CNTNAP2: variants seen among roughly 807,000 people sequenced by gnomAD.
The protein encoded by CNTNAP2 is contactin associated protein 2.
In CNTNAP2, 98 loss-of-function variants were observed where a neutral mutation model predicts 155.2. That is an observed-to-expected ratio of 0.63 (90% CI 0.54 to 0.75). The LOEUF is 0.75. CNTNAP2 is among the 30% of genes least tolerant of loss of function. The pLI is 0.00. For synonymous variants in CNTNAP2, 651 were observed against 631.2 expected (o/e 1.03, Z -0.47); for missense variants, 1,727 against 1,688.1 (o/e 1.02, Z -0.40).
At chr7:147,554,537 T>C (rs11766100) in intron 11 of CNTNAP2, among the ~76,000 whole-genome samples, 1,778 of 145,580 alleles carry the variant, frequency 0.012, 15 homozygotes, top group Non-Finnish European at 0.019. Flanking sequence ...GAAGGACTTA[T>C]CAAGTAAAAG....
Position 146,756,562 on chromosome 7 carries a change from C to T in CNTNAP2, c.98-17709C>T, listed in dbSNP as rs115017547. ...ATTATCTGCGCCAGTCACACACTTC[C>T]CAAATTCAATATATACACACGGGCT... On this transcript the variant is annotated intron_variant, in intron 1 of 23. Coordinates refer to ENST00000361727, the MANE Select transcript of CNTNAP2 (RefSeq NM_014141.6). Among the ~76,000 whole-genome samples, 505 of 152,002 alleles carry T rather than the reference C, an allele frequency of 3.3e-3. 5 individuals are homozygous for T. Among genetic ancestry groups the T allele is most frequent in the African/African-American group, 0.012 (489 of 41,514 alleles).
At chr7:147,932,252 T>G (rs916512468) in intron 14 of CNTNAP2, among the ~76,000 whole-genome samples, 7 of 152,118 alleles carry the variant, frequency 4.6e-5, no homozygotes, top group African/African-American at 1.4e-4. Context: ...GGATCCCAAA[T>G]AGCTAAAACA....
rs184648451 is a variant in CNTNAP2 at position 146,279,194 on chromosome 7, C to T, written c.97+162221C>T. ...TGTCATAAACCACCTCTGTACCTAA[C>T]CTAAATAATGAATGTTGTTGTCTTT... On this transcript the variant is annotated intron_variant, in intron 1 of 23. Coordinates refer to ENST00000361727, the MANE Select transcript of CNTNAP2 (RefSeq NM_014141.6). 9.4e-3 allele frequency among the ~76,000 whole-genome samples: 1,435 copies of T among 152,128 alleles called. 17 individuals are homozygous for T. The highest frequency in any genetic ancestry group is 0.015 in the Non-Finnish European group (1,031 of 67,968).
chr7:146,711,663 C>T (rs1048101838), intron 1 of CNTNAP2, among the ~76,000 whole-genome samples: 2 of 148,196 alleles, frequency 1.3e-5, no homozygotes, highest in African/African-American at 4.9e-5. Context: ...CACACTGAAG[C>T]TATTTCGTAT....
intron 13 of CNTNAP2, among the ~76,000 whole-genome samples, chr7:147,896,165 C>G (rs527862310): frequency 7.0e-4 from 107 of 152,296 alleles, no homozygotes; most frequent in African/African-American, 2.5e-3. Flanking sequence ...CTCCTTGCAC[C>G]TGTACTCCTT....
rs1798379995 is a variant in CNTNAP2, at chr7:148,349,399, AAAT to A, written c.3476-34249_3476-34247del. On this transcript the variant is annotated intron_variant, in intron 21 of 23. Transcript: ENST00000361727. Reference sequence around the variant, plus strand: ...TAATGAGCTTTAAAAATTGCAAAAAAAATCTCTCTTTTTTTTTTTTGAGACAGA... The same window carrying A: ...TAATGAGCTTTAAAAATTGCAAAAAACTCTCTTTTTTTTTTTTGAGACAGA... Among the ~76,000 whole-genome samples, 2 of 1,100 alleles carry A rather than the reference AAAT, an allele frequency of 1.8e-3. 1 individual carries two copies. The highest frequency in any genetic ancestry group is 4.1e-3 in the African/African-American group (2 of 484). 0.7% of individuals were successfully genotyped at this position (1,100 alleles called of 152,430 possible). A position where few individuals can be genotyped will look rare whatever the true frequency, so the allele number is the denominator to read the frequency against.
chr7:147,419,013 C>G (rs1279168363), intron 10 of CNTNAP2, among the ~76,000 whole-genome samples: 1 of 152,082 alleles, frequency 6.6e-6, no homozygotes, highest in African/African-American at 2.4e-5. Context: ...TACTGTGGTT[C>G]AAAGCATGCT....
intron 13 of CNTNAP2, among the ~76,000 whole-genome samples, chr7:147,829,599 G>A (rs1301796061): frequency 2.6e-5 from 4 of 152,104 alleles, no homozygotes; most frequent in African/African-American, 7.2e-5. Context: ...TAAGTAAATT[G>A]ATCAAGGTCA....
chr7:147,205,960 T>A (rs1803016286), intron 8 of CNTNAP2, among the ~76,000 whole-genome samples: 1 of 152,144 alleles, frequency 6.6e-6, no homozygotes, highest in Non-Finnish European at 1.5e-5. Flanking sequence ...TTACCCTGAT[T>A]TAATCATTAC....
intron 15 of CNTNAP2, among the ~76,000 whole-genome samples, chr7:147,980,346 A>G (rs893165682): frequency 6.6e-6 from 1 of 152,218 alleles, no homozygotes; most frequent in Non-Finnish European, 1.5e-5. Flanking sequence ...TCTTAGAAAC[A>G]TTTTTAGAAC....
intron 20 of CNTNAP2, among the ~76,000 whole-genome samples, chr7:148,247,362 C>T (rs971711220): frequency 1.3e-5 from 2 of 151,932 alleles, no homozygotes; most frequent in Non-Finnish European, 2.9e-5. Context: ...TAAAATCAGC[C>T]CTCGACCCTT....
At chr7:147,969,794 C>A (rs79535254) in intron 14 of CNTNAP2, among the ~76,000 whole-genome samples, 1,676 of 152,186 alleles carry the variant, frequency 0.011, 31 homozygotes, top group African/African-American at 0.038. Context: ...TAGATACACA[C>A]TTTTAACAAT....
At chr7:147,213,178 T>C (rs941753668) in intron 8 of CNTNAP2, among the ~76,000 whole-genome samples, 2 of 152,126 alleles carry the variant, frequency 1.3e-5, no homozygotes, top group East Asian at 1.9e-4. Context: ...TCTGAAGACC[T>C]AAGAATCAGG....
intron 15 of CNTNAP2, among the ~76,000 whole-genome samples, chr7:147,989,930 G>T (rs1026016382): frequency 2.0e-5 from 3 of 152,096 alleles, no homozygotes; most frequent in African/African-American, 4.8e-5. Context: ...GACACCAACT[G>T]CCCTGAGTTA....
chr7:146,266,971 T>C (rs1163026625), intron 1 of CNTNAP2, among the ~76,000 whole-genome samples: 1 of 151,428 alleles, frequency 6.6e-6, no homozygotes, highest in Non-Finnish European at 1.5e-5. Flanking sequence ...TGTGAAGTCA[T>C]AGGTATTTGT....
At chr7:147,206,813 T>C (rs1803032819) in intron 8 of CNTNAP2, among the ~76,000 whole-genome samples, 1 of 152,194 alleles carries the variant, frequency 6.6e-6, no homozygotes, top group South Asian at 2.1e-4. Context: ...GTTTTATTTA[T>C]GACTATTTAT....
chr7:147,000,876 A>T (rs778956738), intron 3 of CNTNAP2, among the ~76,000 whole-genome samples: 3 of 152,114 alleles, frequency 2.0e-5, no homozygotes, highest in Non-Finnish European at 4.4e-5. Flanking sequence ...TAGTTATGTG[A>T]ACTAGAATTT....
chr7:146,314,498 G>C (rs988861251), intron 1 of CNTNAP2, among the ~76,000 whole-genome samples: 1 of 152,144 alleles, frequency 6.6e-6, no homozygotes, highest in African/African-American at 2.4e-5. Flanking sequence ...AAGGAATGAA[G>C]CTGAGATAGA....
At chr7:148,402,158 G>A (rs192709549) in intron 22 of CNTNAP2, among the ~76,000 whole-genome samples, 2 of 144,906 alleles carry the variant, frequency 1.4e-5, no homozygotes, top group African/African-American at 2.5e-5. Flanking sequence ...CTCTTCACTC[G>A]ACCTCTTTTG....
Sources: gnomAD v4.1 joint callset for allele counts (sites outside exome capture counted in the v4.1 genomes callset) on GRCh38, gnomAD v4.1.1 for gene constraint, MANE v1.5 for transcripts, NCBI Gene and HGNC (gene_info 2026-07-23, HGNC 2026-07-21) for gene names.